The following CGA variants were observed in gnomAD, a reference collection of about 807,000 sequenced individuals.
CGA encodes glycoprotein hormones, alpha polypeptide.
A neutral mutation model predicts 12.0 loss-of-function variants in CGA; 4 were observed. The ratio of observed to expected loss-of-function variants is 0.33; its 90% CI spans 0.16 to 0.76. The LOEUF (loss-of-function observed/expected upper bound fraction) is 0.76, where lower values mean the gene tolerates loss of function less well. CGA is among the 30% of genes least tolerant of loss of function. The pLI, the probability that CGA is intolerant of heterozygous loss-of-function variation, is 0.60. For missense variants in CGA, 102 were observed against 143.5 expected (o/e 0.71, Z 1.48); for synonymous variants, 60 against 56.6 (o/e 1.06, Z -0.27).
chr6:87,091,007 C>T (rs1211458505), intron 1 of CGA, among the ~76,000 whole-genome samples: 1 of 152,026 alleles, frequency 6.6e-6, no homozygotes, highest in Non-Finnish European at 1.5e-5. Context: ...TTTGAGAATA[C>T]ACAAAGCCAT....
intron 1 of CGA, among the ~76,000 whole-genome samples, chr6:87,089,687 C>A (rs1769395941): frequency 6.6e-6 from 1 of 152,094 alleles, no homozygotes; most frequent in Non-Finnish European, 1.5e-5. Context: ...ACCCATAATA[C>A]TTCTTAGGAA....
chr6:87,087,968 A>T, intron 2 of CGA, 145 bp downstream of exon 2: 2 of 425,950 alleles, frequency 4.7e-6, no homozygotes, highest in Non-Finnish European at 8.4e-6. Flanking sequence ...TTATGTTCAC[A>T]ATCTACAAGT....
intron 1 of CGA, among the ~76,000 whole-genome samples, chr6:87,092,976 T>C (rs1204610732): frequency 6.6e-6 from 1 of 152,014 alleles, no homozygotes; most frequent in Non-Finnish European, 1.5e-5. Context: ...ACAGGGTTTC[T>C]CTATGTTGCC....
At chr6:87,090,821 T>G (rs1201584958) in intron 1 of CGA, among the ~76,000 whole-genome samples, 1 of 145,870 alleles carries the variant, frequency 6.9e-6, no homozygotes, top group Non-Finnish European at 1.5e-5. Flanking sequence ...TTTTTTTTTG[T>G]ATTTTTAGTA....
At chr6:87,086,695 A>C in intron 2 of CGA, 1 of 362,394 alleles carries the variant, frequency 2.8e-6, no homozygotes, top group Non-Finnish European at 5.0e-6. Flanking sequence ...CTGGGGCAGA[A>C]GAATCGCTTG....
intron 1 of CGA, among the ~76,000 whole-genome samples, chr6:87,093,162 A>C (rs1023295631): frequency 6.6e-6 from 1 of 152,216 alleles, no homozygotes; most frequent in African/African-American, 2.4e-5. Context: ...TAGAGAATTT[A>C]AAAGATTTGC....
chr6:87,091,781 C>A (rs182787233), intron 1 of CGA, among the ~76,000 whole-genome samples: 33 of 152,338 alleles, frequency 2.2e-4, no homozygotes, highest in African/African-American at 7.9e-4. Context: ...CACCCAACCC[C>A]AAAGACAAAA....
chr6:87,094,503 C>T (rs1290531322), intron 1 of CGA, among the ~76,000 whole-genome samples: 1 of 152,156 alleles, frequency 6.6e-6, no homozygotes, highest in Non-Finnish European at 1.5e-5. Flanking sequence ...AAAACAACGA[C>T]ATTCAAGAAA....
intron 1 of CGA, chr6:87,088,923 T>C (rs1769379276): frequency 6.6e-6 from 1 of 152,202 alleles, no homozygotes; most frequent in Non-Finnish European, 1.5e-5. Flanking sequence ...ATGAAGACTA[T>C]GTTCACACAA....
At chr6:87,093,294 C>T (rs1423063968) in intron 1 of CGA, among the ~76,000 whole-genome samples, 1 of 152,176 alleles carries the variant, frequency 6.6e-6, no homozygotes, top group African/African-American at 2.4e-5. Context: ...ACACATGGAT[C>T]ATGCTGTTTC....
chr6:87,087,548 C>T (rs57198561), intron 2 of CGA, among the ~76,000 whole-genome samples: 9,047 of 152,124 alleles, frequency 0.059, 336 homozygotes, highest in Middle Eastern at 0.17. Context: ...TGTAGAGAGC[C>T]TGATATTAGA....
intron 1 of CGA, chr6:87,089,301 C>T (rs1002879794): frequency 6.6e-6 from 1 of 152,020 alleles, no homozygotes; most frequent in Non-Finnish European, 1.5e-5. Flanking sequence ...ATGGGACAGC[C>T]GCATGTTGAT....
At position 87,085,829 on chromosome 6, in the gene CGA, G is replaced by A; in HGVS notation, c.278C>T (p.Thr93Ile). The change falls in exon 4 of 4, where the codon ACA (threonine) becomes ATA (isoleucine). Residue 93 changes from threonine (T) to isoleucine (I), a missense_variant. Physicochemically the swap from Thr to Ile is moderately conservative, Grantham distance 89 (BLOSUM62 -1). Transcript: ENST00000627148. ...CTCCACTTTGAAACCCCCCATTACTGTGACCTAAAGGGGAAGGAAAAAAAA... is the reference window on the plus strand; with the variant it reads ...CTCCACTTTGAAACCCCCCATTACTATGACCTAAAGGGGAAGGAAAAAAAA... Reference protein sequence around the residue: ...CCVAKSYNRVTVMGGFKVENH... With the variant: ...CCVAKSYNRVIVMGGFKVENH... 1.2e-6 allele frequency: 2 copies of A among 1,600,346 alleles called. No individual in the cohort carries two copies. The highest frequency in any genetic ancestry group is 1.7e-6 in the Non-Finnish European group (2 of 1,167,950).
At chr6:87,094,526 AT>A (rs775873912) in intron 1 of CGA, among the ~76,000 whole-genome samples, 4 of 152,252 alleles carry the variant, frequency 2.6e-5, no homozygotes, top group African/African-American at 4.8e-5. Flanking sequence ...CCATGCTACT[AT>A]TCAAGTCTGC....
intron 1 of CGA, among the ~76,000 whole-genome samples, chr6:87,090,300 T>C (rs527282552): frequency 1.3e-5 from 2 of 152,290 alleles, no homozygotes; most frequent in East Asian, 3.9e-4. Context: ...TGTTTGTCTT[T>C]TTTTCCTCTT....
At chr6:87,091,918 T>C (rs1194299547) in intron 1 of CGA, among the ~76,000 whole-genome samples, 2 of 152,164 alleles carry the variant, frequency 1.3e-5, no homozygotes, top group Non-Finnish European at 2.9e-5. Context: ...TCTTTTTATT[T>C]AAATTAGAAA....
chr6:87,086,299 T>C lies in CGA; in HGVS notation c.224A>G (p.Lys75Arg). 6.2e-7 allele frequency: 1 copy of C among 1,614,142 alleles called. No homozygotes were observed. Among genetic ancestry groups the C allele is most frequent in the African/African-American group, 1.3e-5 (1 of 75,050 alleles). Residue 75 changes from lysine (K) to arginine (R), a missense_variant, in exon 3 of 4, where the codon AAG (lysine) becomes AGG (arginine). Physicochemically the swap from Lys to Arg is conservative, Grantham distance 26 (BLOSUM62 2). Coordinates refer to ENST00000627148, the MANE Select transcript of CGA (RefSeq NM_000735.4). ...GCAAGTGGACTCTGAGGTGACGTTC[T>C]TTTGGACCAACATCGTCTTCTTGGA... ...LRSKKTMLVQ[K>R]NVTSESTCCV...
At chr6:87,090,567 C>A (rs2127754930) in intron 1 of CGA, among the ~76,000 whole-genome samples, 1 of 151,296 alleles carries the variant, frequency 6.6e-6, no homozygotes, top group Non-Finnish European at 1.5e-5. Context: ...TAAACTTTAG[C>A]ATAATCACTA....
At chr6:87,088,070 G>T (rs781328760) in intron 2 of CGA, 43 bp downstream of exon 2, 7 of 1,074,630 alleles carry the variant, frequency 6.5e-6, no homozygotes, top group Non-Finnish European at 9.6e-6. Flanking sequence ...ATCTAGAAAT[G>T]TGTGTTGTCC....
Sources: gnomAD v4.1 joint callset for allele counts (sites outside exome capture counted in the v4.1 genomes callset) on GRCh38, gnomAD v4.1.1 for gene constraint, MANE v1.5 for transcripts, NCBI Gene and HGNC (gene_info 2026-07-23, HGNC 2026-07-21) for gene names.